The following CENPK variants were observed in gnomAD, a reference collection of about 807,000 sequenced individuals.
CENPK encodes SoxLZ/Sox6-binding protein Solt.
CENPK carries 46 observed loss-of-function variants against 40.9 expected under a neutral mutation model. The ratio of observed to expected loss-of-function variants is 1.13; its 90% CI spans 0.89 to 1.44. CENPK has a LOEUF of 1.44. Ranked by LOEUF, CENPK falls within the 40% of genes most tolerant of loss-of-function variation. The pLI, the probability that CENPK is intolerant of heterozygous loss-of-function variation, is 0.00. For missense variants in CENPK, 288 were observed against 303.5 expected (o/e 0.95, Z 0.38); for synonymous variants, 107 against 104.4 (o/e 1.02, Z -0.15).
At chr5:65,550,861 C>T (rs1197230392) in intron 5 of CENPK, 1 of 88,502 alleles carries the variant, frequency 1.1e-5, no homozygotes, top group Non-Finnish European at 2.3e-5. Context: ...TTGGCACCAG[C>T]TGGACAAGAC....
chr5:65,537,788 G>A (rs1171215250), intron 6 of CENPK, among the ~76,000 whole-genome samples: 2 of 152,140 alleles, frequency 1.3e-5, no homozygotes, highest in African/African-American at 4.8e-5. Flanking sequence ...TCACTGTTAG[G>A]ATATATTGCA....
the CENPK span, among the ~76,000 whole-genome samples, chr5:65,507,827 A>T: frequency 1.3e-5 from 2 of 152,098 alleles, no homozygotes; most frequent in African/African-American, 4.8e-5. Context: ...GTAATTATTA[A>T]TTCTTTTTAG....
chr5:65,525,157 G>A (rs940746730), intron 9 of CENPK, among the ~76,000 whole-genome samples: 4 of 152,074 alleles, frequency 2.6e-5, no homozygotes, highest in Non-Finnish European at 5.9e-5. Context: ...TCAGGAGATC[G>A]AGACCAGCCT....
intron 10 of CENPK, among the ~76,000 whole-genome samples, chr5:65,520,229 C>T (rs1034450139): frequency 2.0e-5 from 3 of 152,098 alleles, no homozygotes; most frequent in African/African-American, 7.2e-5. Flanking sequence ...CCCTCTTGCT[C>T]CCACTCTGGC....
intron 3 of CENPK, among the ~76,000 whole-genome samples, chr5:65,553,978 G>C (rs71626584): frequency 6.6e-6 from 1 of 152,048 alleles, no homozygotes; most frequent in Non-Finnish European, 1.5e-5. Flanking sequence ...TACTTCTCCA[G>C]TCTTACCCCA....
intron 6 of CENPK, among the ~76,000 whole-genome samples, chr5:65,542,147 T>C (rs908650850): frequency 3.9e-5 from 6 of 152,204 alleles, no homozygotes; most frequent in South Asian, 2.1e-4. Context: ...CACTGGGGAA[T>C]AGATTTCAAC....
At chr5:65,560,872 A>C in intron 2 of CENPK, 1 of 152,182 alleles carries the variant, frequency 6.6e-6, no homozygotes, top group East Asian at 1.9e-4. Context: ...ATGTCTGCAT[A>C]AGTCTATACA....
chr5:65,547,812 C>G (rs1210003714), intron 5 of CENPK, among the ~76,000 whole-genome samples: 1 of 152,048 alleles, frequency 6.6e-6, no homozygotes, highest in Non-Finnish European at 1.5e-5. Flanking sequence ...CTGCAGGCGC[C>G]CACCACAACA....
intron 6 of CENPK, 151 bp downstream of exon 6, chr5:65,542,651 C>G: frequency 1.8e-6 from 1 of 545,794 alleles, no homozygotes; most frequent in Non-Finnish European, 3.0e-6. Flanking sequence ...AAAAAAAAAT[C>G]AAATATTATG....
chr5:65,551,662 T>C, intron 4 of CENPK, 26 bp from the exon 5 acceptor site: 1 of 1,335,928 alleles, frequency 7.5e-7, no homozygotes, highest in South Asian at 1.3e-5. Context: ...ACAAAGTCAT[T>C]TTCTGTGGAC....
chr5:65,541,740 A>T (rs1038525982), intron 6 of CENPK, among the ~76,000 whole-genome samples: 2 of 152,202 alleles, frequency 1.3e-5, no homozygotes, highest in African/African-American at 4.8e-5. Context: ...ACAGCAATGT[A>T]GGCCTTTGCA....
intron 2 of CENPK, among the ~76,000 whole-genome samples, chr5:65,559,607 C>T (rs9986299): frequency 0.2 from 26,947 of 137,082 alleles, 2,730 homozygotes; most frequent in Middle Eastern, 0.22. Context: ...CCAGCCTGGG[C>T]GACAGAGCGA....
intron 6 of CENPK, among the ~76,000 whole-genome samples, chr5:65,532,068 A>C (rs1392617371): frequency 2.6e-5 from 4 of 152,238 alleles, no homozygotes; most frequent in Non-Finnish European, 5.9e-5. Flanking sequence ...GAGAGGTGAC[A>C]TCACTACAAA....
intron 6 of CENPK, among the ~76,000 whole-genome samples, chr5:65,539,730 T>C (rs1747614429): frequency 6.6e-6 from 1 of 152,240 alleles, no homozygotes; most frequent in Admixed American, 6.5e-5. Context: ...ATGGCTCTCC[T>C]GGACTGAGGT....
chr5:65,497,702 T>C, the CENPK span, among the ~76,000 whole-genome samples: 1 of 152,118 alleles, frequency 6.6e-6, no homozygotes, highest in Non-Finnish European at 1.5e-5. Context: ...TAAATATAAA[T>C]GAACGAAATG....
At chr5:65,545,363 C>CCTTCTCT in intron 5 of CENPK, among the ~76,000 whole-genome samples, 3 of 130,704 alleles carry the variant, frequency 2.3e-5, no homozygotes, top group Non-Finnish European at 5.1e-5. Context: ...CACACACACA[C>CCTTCTCT]ACACACACAC....
At chr5:65,506,912 T>C in the CENPK span, among the ~76,000 whole-genome samples, 1 of 152,366 alleles carries the variant, frequency 6.6e-6, no homozygotes, top group East Asian at 1.9e-4. Context: ...TTCCACTTCA[T>C]GATTTTGTTA....
At chr5:65,554,605 A>G (rs17828812) in intron 3 of CENPK, among the ~76,000 whole-genome samples, 192 bp downstream of exon 3, 11,282 of 152,126 alleles carry the variant, frequency 0.074, 425 homozygotes, top group East Asian at 0.096. Flanking sequence ...GGATTGTCAA[A>G]ATTTTTCTTT....
chr5:65,555,125 A>C, intron 2 of CENPK, 179 bp from the exon 3 acceptor site: 1 of 351,950 alleles, frequency 2.8e-6, no homozygotes. Context: ...ACATATATAT[A>C]CTGTAGTATA....
Sources: allele counts gnomAD v4.1 joint callset (sites outside exome capture counted in the v4.1 genomes callset), GRCh38; gene constraint gnomAD v4.1.1; transcripts MANE v1.5; gene names NCBI Gene and HGNC (gene_info 2026-07-23, HGNC 2026-07-21).